The following RAPGEF6 variants were observed in gnomAD, a reference collection of about 807,000 sequenced individuals.
RAPGEF6 encodes PDZ domain containing guanine nucleotide exchange factor (GEF) 2.
RAPGEF6 carries 56 observed loss-of-function variants against 171.4 expected under a neutral mutation model. The observed-to-expected ratio is 0.33, with a 90% CI of 0.26 to 0.41. RAPGEF6 has a LOEUF of 0.41. Among genes scored for constraint, RAPGEF6 ranks in the 10% least tolerant of loss-of-function variants. The pLI, the probability that RAPGEF6 is intolerant of heterozygous loss-of-function variation, is 1.00. For missense variants in RAPGEF6, 1,674 were observed against 1,921.4 expected, an observed-to-expected ratio of 0.87 and a Z score of 2.41; for synonymous variants, 692 against 650.1, an observed-to-expected ratio of 1.06 and a Z score of -0.98.
chr5:131,436,768 G>A (rs1476986741), intron 24 of RAPGEF6, among the ~76,000 whole-genome samples: 4 of 152,154 alleles, frequency 2.6e-5, no homozygotes, highest in Non-Finnish European at 5.9e-5. Context: ...ATTTTACTAT[G>A]AAGAAGCTTA....
intron 17 of RAPGEF6, 56 bp from the exon 18 acceptor site, chr5:131,464,337 C>A: frequency 7.1e-7 from 1 of 1,400,740 alleles, no homozygotes; most frequent in South Asian, 1.2e-5. Flanking sequence ...CTTTTAAACC[C>A]TTCAAAAAGC....
chr5:131,594,129 G>A (rs1763748997), intron 3 of RAPGEF6, among the ~76,000 whole-genome samples: 1 of 152,230 alleles, frequency 6.6e-6, no homozygotes, highest in African/African-American at 2.4e-5. Context: ...CCAGGACCCT[G>A]CTACTCTGTG....
Position 131,426,730 on chromosome 5 carries a change from T to A in RAPGEF6, c.*536A>T. ...ATCACCTCTGTAAAGATGACTTCTG[T>A]TTGGTCAGACCAGAGACAATTTTAT... On this transcript the variant is annotated 3_prime_UTR_variant, in exon 28 of 28. Coordinates refer to ENST00000509018, the MANE Select transcript of RAPGEF6 (RefSeq NM_016340.6). 7 of 164,818 alleles carry A rather than the reference T, an allele frequency of 4.2e-5. No homozygotes were observed. Among genetic ancestry groups the A allele is most frequent in the South Asian group, 3.4e-4 (2 of 5,850 alleles). 10.2% of individuals were successfully genotyped at this position (164,818 alleles called of 1,614,324 possible). A position where few individuals can be genotyped will look rare whatever the true frequency, so the allele number is the denominator to read the frequency against.
rs561188009 is a variant in RAPGEF6 at position 131,598,395 on chromosome 5, A to G, written c.197+4876T>C. 5.3e-5 allele frequency among the ~76,000 whole-genome samples: 8 copies of G among 152,288 alleles called. No homozygotes were observed. In the East Asian group the frequency reaches 1.3e-3, roughly 26 times the overall value. On this transcript the variant is annotated intron_variant, in intron 3 of 27. Transcript: ENST00000509018. Reference sequence around the variant, plus strand: ...CAGGACAGAAGCAATAATTTTTAAAATACTCTGTAAGAATTTTCCAAAATC... The same window carrying G: ...CAGGACAGAAGCAATAATTTTTAAAGTACTCTGTAAGAATTTTCCAAAATC...
intron 15 of RAPGEF6, among the ~76,000 whole-genome samples, chr5:131,479,991 T>TG (rs1368884787): frequency 2.0e-5 from 3 of 151,794 alleles, no homozygotes; most frequent in Non-Finnish European, 4.4e-5. Context: ...GGAAAGTCAG[T>TG]GGGGGGAAAG....
At chr5:131,484,417 G>A (rs547726546) in intron 15 of RAPGEF6, among the ~76,000 whole-genome samples, 1 of 151,936 alleles carries the variant, frequency 6.6e-6, no homozygotes, top group East Asian at 2.0e-4. Context: ...AGTAGAGACA[G>A]AGTTAGCTAG....
At chr5:131,451,368 G>C (rs571094225) in intron 21 of RAPGEF6, among the ~76,000 whole-genome samples, 2 of 151,762 alleles carry the variant, frequency 1.3e-5, no homozygotes, top group African/African-American at 2.4e-5. Flanking sequence ...TGAATTGCTT[G>C]AGTCCAGGAG....
intron 4 of RAPGEF6, among the ~76,000 whole-genome samples, chr5:131,569,826 A>C (rs373732704): frequency 1.3e-5 from 2 of 152,120 alleles, no homozygotes; most frequent in East Asian, 1.9e-4. Context: ...AGATCACTTG[A>C]GGTCAGGAGT....
intron 1 of RAPGEF6, among the ~76,000 whole-genome samples, chr5:131,626,868 T>C (rs554991902): frequency 5.9e-5 from 9 of 152,290 alleles, no homozygotes; most frequent in Non-Finnish European, 1.2e-4. Flanking sequence ...TCTCTTTTAA[T>C]TCACAAAAAT....
rs1340505911 is a variant in RAPGEF6 at position 131,462,203 on chromosome 5, A to G, written c.2481-115T>C. 6 of 881,818 alleles carry G rather than the reference A, an allele frequency of 6.8e-6. No homozygotes were observed. The African/African-American group carries it at 8.7e-5, about 13-fold the overall frequency. 54.6% of individuals were successfully genotyped at this position (881,818 alleles called of 1,614,324 possible). ...TACTGTTAATAACTTTTAGCCAAAA[A>G]TATTAATTTACAGATAAAATGAAAA... On this transcript the variant is annotated intron_variant, in intron 18 of 27. Coordinates refer to ENST00000509018, the MANE Select transcript of RAPGEF6 (RefSeq NM_016340.6).
intron 1 of RAPGEF6, among the ~76,000 whole-genome samples, chr5:131,613,516 C>A (rs1428027828): frequency 6.6e-6 from 1 of 151,838 alleles, no homozygotes; most frequent in African/African-American, 2.4e-5. Context: ...CAATAAAGGG[C>A]CAAATAGTAA....
At chr5:131,534,949 TG>T (rs1389096589) in intron 6 of RAPGEF6, among the ~76,000 whole-genome samples, 1 of 151,930 alleles carries the variant, frequency 6.6e-6, no homozygotes, top group Non-Finnish European at 1.5e-5. Flanking sequence ...TAAATCATGC[TG>T]ATCAACACAC....
intron 11 of RAPGEF6, among the ~76,000 whole-genome samples, chr5:131,499,697 C>A (rs1226584794): frequency 6.7e-6 from 1 of 149,360 alleles, no homozygotes; most frequent in South Asian, 2.1e-4. Context: ...GGTACAAGAA[C>A]AAATACAGAA....
At chr5:131,509,400 A>G (rs568522693) in intron 8 of RAPGEF6, among the ~76,000 whole-genome samples, 61 of 152,122 alleles carry the variant, frequency 4.0e-4, no homozygotes, top group Middle Eastern at 3.4e-3. Context: ...AAAATTAGCC[A>G]GGCGTGGTGG....
intron 14 of RAPGEF6, among the ~76,000 whole-genome samples, chr5:131,489,977 T>A (rs755498725): frequency 1.3e-5 from 2 of 152,184 alleles, no homozygotes; most frequent in Non-Finnish European, 2.9e-5. Context: ...ATAAAAATTA[T>A]TGCCTGCAAA....
intron 21 of RAPGEF6, among the ~76,000 whole-genome samples, chr5:131,447,676 T>C (rs1325032983): frequency 2.0e-5 from 3 of 152,262 alleles, no homozygotes; most frequent in East Asian, 3.8e-4. Flanking sequence ...TCCATTTTTA[T>C]ATAAAAGTAT....
At chr5:131,498,755 T>G (rs936181238) in intron 11 of RAPGEF6, 148 bp from the exon 12 acceptor site, 1 of 713,504 alleles carries the variant, frequency 1.4e-6, no homozygotes, top group South Asian at 1.9e-5. Flanking sequence ...GCTGGGAGAA[T>G]TGGAATGCAA....
intron 1 of RAPGEF6, among the ~76,000 whole-genome samples, chr5:131,620,923 C>T (rs1580692045): frequency 1.3e-5 from 2 of 152,118 alleles, no homozygotes; most frequent in East Asian, 1.9e-4. Flanking sequence ...ACTGCCAAAG[C>T]GATCTTTCTG....
At chr5:131,506,830 C>G (rs1757399917) in intron 9 of RAPGEF6, among the ~76,000 whole-genome samples, 1 of 151,932 alleles carries the variant, frequency 6.6e-6, no homozygotes, top group South Asian at 2.1e-4. Context: ...CCACTCCATT[C>G]AGTTGTTTAA....
Sources: gnomAD v4.1 joint callset for allele counts (sites outside exome capture counted in the v4.1 genomes callset) on GRCh38, gnomAD v4.1.1 for gene constraint, MANE v1.5 for transcripts, NCBI Gene and HGNC (gene_info 2026-07-23, HGNC 2026-07-21) for gene names.